Variants in GPM6A observed in about 807,000 individuals in gnomAD.
GPM6A encodes glycoprotein M6A, also known as neuronal membrane glycoprotein M6-a.
A neutral mutation model predicts 32.1 loss-of-function variants in GPM6A; 7 were observed. The ratio of observed to expected loss-of-function variants is 0.22; its 90% confidence interval spans 0.12 to 0.41. The LOEUF (loss-of-function observed/expected upper bound fraction) is 0.41. GPM6A is among the 10% of genes least tolerant of loss of function. The pLI is 1.00. For synonymous variants in GPM6A, 130 were observed against 123.4 expected (o/e 1.05, Z -0.35); for missense variants, 235 against 347.2 (o/e 0.68, Z 2.57).
intron 1 of GPM6A, among the ~76,000 whole-genome samples, chr4:175,818,918 A>G (rs1735193294): frequency 6.6e-6 from 1 of 152,222 alleles, no homozygotes; most frequent in Non-Finnish European, 1.5e-5. Flanking sequence ...TGCTGATTAC[A>G]GTAAGGGGAG....
chr4:175,768,488 G>A (rs1447739466), intron 1 of GPM6A, among the ~76,000 whole-genome samples: 1 of 152,040 alleles, frequency 6.6e-6, no homozygotes, highest in East Asian at 1.9e-4. Context: ...GGAGCTTAGG[G>A]ATTGTTAGAG....
At chr4:175,885,944 GA>G (rs1006874275) in intron 1 of GPM6A, among the ~76,000 whole-genome samples, 3 of 152,066 alleles carry the variant, frequency 2.0e-5, no homozygotes, top group African/African-American at 7.2e-5. Context: ...TAAGGGAGTT[GA>G]AAGATCTGAG....
intron 1 of GPM6A, among the ~76,000 whole-genome samples, chr4:175,727,603 G>C (rs1347668089): frequency 6.6e-6 from 1 of 152,168 alleles, no homozygotes; most frequent in African/African-American, 2.4e-5. Flanking sequence ...CCATGGATTT[G>C]TGTCTCATAG....
chr4:175,932,669 C>T (rs371087854), intron 1 of GPM6A, among the ~76,000 whole-genome samples: 10 of 151,904 alleles, frequency 6.6e-5, no homozygotes, highest in East Asian at 3.9e-4. Context: ...AAAGAAAATA[C>T]ATGGTAACAA....
At chr4:175,887,104 G>C (rs1216725700) in intron 1 of GPM6A, among the ~76,000 whole-genome samples, 1 of 151,714 alleles carries the variant, frequency 6.6e-6, no homozygotes, top group Non-Finnish European at 1.5e-5. Flanking sequence ...TATGAAACCT[G>C]GTACCCAATA....
intron 1 of GPM6A, among the ~76,000 whole-genome samples, chr4:175,898,832 G>C (rs1003798328): frequency 1.3e-5 from 2 of 152,242 alleles, no homozygotes; most frequent in Non-Finnish European, 1.5e-5. Flanking sequence ...TTTCTCTCTA[G>C]TAACATTGCT....
intron 1 of GPM6A, among the ~76,000 whole-genome samples, chr4:175,929,380 T>C (rs907243663): frequency 1.3e-5 from 2 of 152,246 alleles, no homozygotes; most frequent in African/African-American, 4.8e-5. Context: ...TTGGAAGTTA[T>C]AGGGGCCGTT....
At chr4:175,792,666 T>TA (rs1560935599) in intron 1 of GPM6A, among the ~76,000 whole-genome samples, 1 of 152,206 alleles carries the variant, frequency 6.6e-6, no homozygotes, top group Non-Finnish European at 1.5e-5. Flanking sequence ...GTTTATATTT[T>TA]AAAATACAAT....
At chr4:175,641,015 C>A in intron 4 of GPM6A, 186 bp from the exon 5 acceptor site, 2 of 569,934 alleles carry the variant, frequency 3.5e-6, no homozygotes, top group Non-Finnish European at 6.2e-6. Flanking sequence ...ATATAATATG[C>A]AAGACTATTT....
intron 1 of GPM6A, among the ~76,000 whole-genome samples, chr4:175,964,145 G>A (rs1012869163): frequency 6.6e-6 from 1 of 151,464 alleles, no homozygotes. Context: ...GCAACAAGTA[G>A]AAAACAATAG....
intron 1 of GPM6A, among the ~76,000 whole-genome samples, chr4:175,896,354 T>C (rs1737793223): frequency 6.6e-6 from 1 of 152,122 alleles, no homozygotes; most frequent in Admixed American, 6.6e-5. Context: ...CCTAGCATCC[T>C]GCCTCCCTAA....
chr4:175,955,879 T>A (rs1739969864), intron 1 of GPM6A, among the ~76,000 whole-genome samples: 1 of 152,180 alleles, frequency 6.6e-6, no homozygotes, highest in Non-Finnish European at 1.5e-5. Flanking sequence ...GCTCTCATGG[T>A]CTATGGAGAG....
chr4:175,697,767 A>G (rs1421214622), intron 2 of GPM6A, among the ~76,000 whole-genome samples: 1 of 152,182 alleles, frequency 6.6e-6, no homozygotes, highest in Non-Finnish European at 1.5e-5. Flanking sequence ...AGGTTGCCAC[A>G]CCTCAAATGT....
At chr4:175,653,436 TG>T (rs1226005702) in intron 3 of GPM6A, among the ~76,000 whole-genome samples, 1 of 152,112 alleles carries the variant, frequency 6.6e-6, no homozygotes, top group Non-Finnish European at 1.5e-5. Flanking sequence ...TGCTAATAGT[TG>T]GGGTCAACAT....
At chr4:175,721,452 G>A (rs1337568171) in intron 1 of GPM6A, among the ~76,000 whole-genome samples, 1 of 151,744 alleles carries the variant, frequency 6.6e-6, no homozygotes, top group Non-Finnish European at 1.5e-5. Flanking sequence ...CTCCAGTCTG[G>A]GTGACAGAGC....
chr4:175,970,936 C>T (rs892148891), intron 1 of GPM6A: 39 of 455,790 alleles, frequency 8.6e-5, no homozygotes, highest in African/African-American at 7.2e-4. Context: ...ACACAGGGTG[C>T]GGTACAGAGA....
At chr4:175,729,541 A>G (rs979170986) in intron 1 of GPM6A, among the ~76,000 whole-genome samples, 3 of 152,168 alleles carry the variant, frequency 2.0e-5, no homozygotes, top group Non-Finnish European at 4.4e-5. Context: ...GCACAAAAGG[A>G]TGACTACAGT....
chr4:175,881,544 CGT>C (rs1560977730), intron 1 of GPM6A, among the ~76,000 whole-genome samples: 13 of 152,098 alleles, frequency 8.5e-5, no homozygotes, highest in Non-Finnish European at 1.8e-4. Context: ...CACATGCACA[CGT>C]ATATTTATTG....
At chr4:175,851,772 C>T (rs189955760) in intron 1 of GPM6A, among the ~76,000 whole-genome samples, 48 of 152,286 alleles carry the variant, frequency 3.2e-4, no homozygotes, top group Admixed American at 9.8e-4. Context: ...AATTTGCATT[C>T]CGTGTTTTGT....
Sources: allele counts gnomAD v4.1 joint callset (sites outside exome capture counted in the v4.1 genomes callset), GRCh38; gene constraint gnomAD v4.1.1; transcripts MANE v1.5; gene names NCBI Gene and HGNC (gene_info 2026-07-23, HGNC 2026-07-21).